Variants in BRD7 observed in about 807,000 individuals in gnomAD.
The protein encoded by BRD7 is bromodomain containing 7.
In BRD7, 15 loss-of-function variants were observed where a neutral mutation model predicts 82.1. That is an observed-to-expected ratio of 0.18 (90% CI 0.12 to 0.28). The LOEUF (loss-of-function observed/expected upper bound fraction) is 0.28. Among genes scored for constraint, BRD7 ranks in the 10% least tolerant of loss-of-function variants. BRD7 has a pLI of 1.00. For missense variants in BRD7, 638 were observed against 779.9 expected (o/e 0.82, Z 2.17); for synonymous variants, 232 against 266.9 (o/e 0.87, Z 1.27).
chr16:50,337,975 A>G (rs562051333), intron 6 of BRD7, among the ~76,000 whole-genome samples: 27 of 152,344 alleles, frequency 1.8e-4, no homozygotes, highest in African/African-American at 5.3e-4. Context: ...TCCACACGCC[A>G]GTAAAATTCA....
chr16:50,362,884 C>T (rs1261613799), intron 2 of BRD7, among the ~76,000 whole-genome samples: 1 of 152,132 alleles, frequency 6.6e-6, no homozygotes, highest in Non-Finnish European at 1.5e-5. Flanking sequence ...GAACTGCACA[C>T]TTAAAAATAA....
At chr16:50,354,588 A>G (rs1407033451) in intron 3 of BRD7, 106 bp from the exon 4 acceptor site, 6 of 1,203,856 alleles carry the variant, frequency 5.0e-6, no homozygotes, top group East Asian at 2.4e-5. Context: ...TCATACAGAA[A>G]TTCCATTTAT....
intron 12 of BRD7, 29 bp downstream of exon 12, chr16:50,323,558 T>TAC: frequency 6.9e-7 from 1 of 1,455,124 alleles, no homozygotes; most frequent in Non-Finnish European, 9.6e-7. Context: ...GATAATAAAT[T>TAC]ACCCTGTTTT....
At chr16:50,346,421 G>A (rs1290469910) in intron 5 of BRD7, among the ~76,000 whole-genome samples, 2 of 152,126 alleles carry the variant, frequency 1.3e-5, no homozygotes, top group Non-Finnish European at 2.9e-5. Context: ...ACTAAGATCA[G>A]AGCAGAACTG....
chr16:50,356,086 G>A (rs183702404), intron 2 of BRD7, among the ~76,000 whole-genome samples: 19 of 152,300 alleles, frequency 1.2e-4, no homozygotes, highest in African/African-American at 4.6e-4. Flanking sequence ...TAGAACTTGG[G>A]TAATTATAGA....
intron 6 of BRD7, among the ~76,000 whole-genome samples, chr16:50,337,448 C>T (rs539442410): frequency 1.4e-4 from 21 of 151,700 alleles, no homozygotes; most frequent in Admixed American, 3.9e-4. Context: ...TTAGTAGAGA[C>T]GGAGTTTTTC....
intron 2 of BRD7, among the ~76,000 whole-genome samples, chr16:50,364,107 T>A (rs2039046694): frequency 6.6e-6 from 1 of 151,612 alleles, no homozygotes; most frequent in South Asian, 2.1e-4. Flanking sequence ...GGTCTCCCTA[T>A]CAGCTAAGGT....
chr16:50,317,627 T>TGTAA lies in BRD7; in HGVS notation c.*1580_*1583dup, dbSNP rs1418806420. On this transcript the variant is annotated 3_prime_UTR_variant, in exon 17 of 17. Transcript: ENST00000394688. ...GTGCTGTGCTCAGATAATAATAGTT[T>TGTAA]GTAAGTAAAAGTTTTTAGTTTTCAG... The TGTAA allele has an allele frequency of 2.6e-5, 4 of 152,382 alleles. No individual in the cohort carries two copies. The highest frequency in any genetic ancestry group is 5.9e-5 in the Non-Finnish European group (4 of 68,042). 9.4% of individuals were successfully genotyped at this position (152,382 alleles called of 1,614,324 possible). A position where few individuals can be genotyped will look rare whatever the true frequency, so the allele number is the denominator to read the frequency against.
At position 50,368,857 on chromosome 16, in the gene BRD7, G is replaced by C; in HGVS notation, c.-83C>G. The C allele has an allele frequency of 1.0e-6, 1 of 996,304 alleles. No homozygotes were observed. The highest frequency in any genetic ancestry group is 1.2e-6 in the Non-Finnish European group (1 of 806,636). 61.7% of individuals were successfully genotyped at this position (996,304 alleles called of 1,614,324 possible). On this transcript the variant is annotated 5_prime_UTR_variant, in exon 1 of 17. Transcript: ENST00000394688. Reference sequence around the variant, plus strand: ...TTCCGGTCCGGGCCAGGCGAGCGGAGGGCGGGAGCGGGGCCCGCGAGACCC... The same window carrying C: ...TTCCGGTCCGGGCCAGGCGAGCGGACGGCGGGAGCGGGGCCCGCGAGACCC...
chr16:50,368,905 G>A lies in BRD7; in HGVS notation c.-131C>T. Reference sequence around the variant, plus strand: ...CCCCGCGCCGCGAGGCAGGGGGGCGGCGCGCGCCGGGCGGCGCGATGCCCC... The same window carrying A: ...CCCCGCGCCGCGAGGCAGGGGGGCGACGCGCGCCGGGCGGCGCGATGCCCC... On this transcript the variant is annotated 5_prime_UTR_variant, in exon 1 of 17. Transcript: ENST00000394688. 2 of 404,682 alleles carry A rather than the reference G, an allele frequency of 4.9e-6. No individual in the cohort carries two copies. Among genetic ancestry groups the A allele is most frequent in the Non-Finnish European group, 6.6e-6 (2 of 300,928 alleles). The allele number at this position is 404,682 out of a possible 1,614,324, so 25.1% of individuals were successfully genotyped here.
chr16:50,362,343 T>C (rs2038964816), intron 2 of BRD7, among the ~76,000 whole-genome samples: 1 of 152,236 alleles, frequency 6.6e-6, no homozygotes. Flanking sequence ...GTTATTGTTC[T>C]GGCATTAACT....
chr16:50,326,475 C>T (rs1048506078), intron 9 of BRD7, 84 bp from the exon 10 acceptor site: 3 of 825,256 alleles, frequency 3.6e-6, no homozygotes, highest in South Asian at 4.8e-5. Context: ...CCGCACAAAC[C>T]ACTGCATGTC....
At position 50,333,733 on chromosome 16, in the gene BRD7, C is replaced by A. The variant is rs369307242; in HGVS notation, c.888-36G>T. 9.7e-5 allele frequency: 99 copies of A among 1,023,536 alleles called. 2 individuals carry two copies. The highest frequency in any genetic ancestry group is 8.5e-4 in the African/African-American group (50 of 59,108). 63.4% of individuals were successfully genotyped at this position (1,023,536 alleles called of 1,614,324 possible). ...ACATTAATACTAAGTAAAAAAAAAA[C>A]AAAGATAAGTAAGATGAAAACATTC... On this transcript the variant is annotated intron_variant, in intron 7 of 16. Coordinates refer to ENST00000394688, the MANE Select transcript of BRD7 (RefSeq NM_013263.5).
Position 50,339,958 on chromosome 16 carries a change from A to T in BRD7, c.702+18T>A. 6.9e-7 allele frequency: 1 copy of T among 1,448,412 alleles called. No homozygotes were observed. The highest frequency in any genetic ancestry group is 9.5e-7 in the Non-Finnish European group (1 of 1,047,566). 89.7% of individuals were successfully genotyped at this position (1,448,412 alleles called of 1,614,324 possible). ...CAGATTTTAATAACTATTATTTATG[A>T]CAAAGAGTTTCCTTTACCTGGCTAA... On this transcript the variant is annotated intron_variant, in intron 6 of 16. Coordinates refer to ENST00000394688, the MANE Select transcript of BRD7 (RefSeq NM_013263.5).
Position 50,316,312 on chromosome 16 carries a change from G to A in BRD7, c.*2899C>T, listed in dbSNP as rs2036797673. ...CAGCAAGAAGGCGGGGAGCAGCAGA[G>A]CCTTGCCTTTGAATGAGGCAGCTTG... On this transcript the variant is annotated 3_prime_UTR_variant, in exon 17 of 17. Coordinates refer to ENST00000394688, the MANE Select transcript of BRD7 (RefSeq NM_013263.5). 6.6e-6 allele frequency: 1 copy of A among 152,404 alleles called. No homozygotes were observed. Among genetic ancestry groups the A allele is most frequent in the Non-Finnish European group, 1.5e-5 (1 of 68,068 alleles). 9.4% of individuals were successfully genotyped at this position (152,404 alleles called of 1,614,324 possible). A position where few individuals can be genotyped will look rare whatever the true frequency, so the allele number is the denominator to read the frequency against.
At chr16:50,330,206 T>C (rs2037501855) in intron 8 of BRD7, among the ~76,000 whole-genome samples, 1 of 152,152 alleles carries the variant, frequency 6.6e-6, no homozygotes, top group Non-Finnish European at 1.5e-5. Context: ...TGATTTGGGG[T>C]GATCTAAAAC....
At chr16:50,333,734 AAAGAT>A (rs1172771117) in intron 7 of BRD7, 37 bp from the exon 8 acceptor site, 3 of 1,157,414 alleles carry the variant, frequency 2.6e-6, no homozygotes, top group Non-Finnish European at 3.7e-6. Context: ...AAAAAAAAAC[AAAGAT>A]AAGTAAGATG....
chr16:50,319,848 C>T (rs1379821366), intron 16 of BRD7, 39 bp downstream of exon 16: 3 of 1,601,046 alleles, frequency 1.9e-6, no homozygotes, highest in Non-Finnish European at 2.6e-6. Flanking sequence ...CTATAGTCAC[C>T]ATAGCTTTCT....
At chr16:50,336,383 C>G (rs991372717) in intron 6 of BRD7, among the ~76,000 whole-genome samples, 2 of 151,982 alleles carry the variant, frequency 1.3e-5, no homozygotes, top group African/African-American at 4.8e-5. Context: ...AAAGGTATAC[C>G]AATTTACATA....
Sources: allele counts gnomAD v4.1 joint callset (sites outside exome capture counted in the v4.1 genomes callset), GRCh38; gene constraint gnomAD v4.1.1; transcripts MANE v1.5; gene names NCBI Gene and HGNC (gene_info 2026-07-23, HGNC 2026-07-21).